Variants in THADA observed in about 807,000 individuals in gnomAD.
THADA encodes tRNA (32-2'-O)-methyltransferase regulator THADA.
A neutral mutation model predicts 219.8 loss-of-function variants in THADA; 213 were observed. The observed-to-expected ratio is 0.97, with a 90% CI of 0.87 to 1.09. The LOEUF (loss-of-function observed/expected upper bound fraction) is 1.09. Among genes scored for constraint, THADA ranks in the 50% least tolerant of loss-of-function variants. The pLI, the probability that THADA is intolerant of heterozygous loss-of-function variation, is 0.00. For missense variants in THADA, 2,956 were observed against 2,311.3 expected (o/e 1.28, Z -5.72); for synonymous variants, 1,018 against 828.9 (o/e 1.23, Z -3.92).
At chr2:43,415,909 T>C (rs538463025) in intron 28 of THADA, among the ~76,000 whole-genome samples, 1 of 152,236 alleles carries the variant, frequency 6.6e-6, no homozygotes, top group South Asian at 2.1e-4. Flanking sequence ...TTTTCTTAAG[T>C]CCAGTTTTCA....
chr2:43,262,979 A>G lies in THADA; in HGVS notation c.5296+16786T>C, dbSNP rs142086761. On this transcript the variant is annotated intron_variant, in intron 36 of 37. Transcript: ENST00000405975. ...GCAATCATCTCCCACTTTCCTCCTT[A>G]CGCCTGTGATGGCTTCCATAGAGAG... 2.5e-3 allele frequency among the ~76,000 whole-genome samples: 380 copies of G among 152,160 alleles called. 1 individual carries two copies. The highest frequency in any genetic ancestry group is 8.8e-3 in the African/African-American group (367 of 41,488).
In THADA at chr2:43,286,978, A is replaced by G. The variant is rs1224614601; in HGVS notation, c.5094T>C (p.Ser1698=). The G allele has an allele frequency of 2.5e-6, 4 of 1,614,032 alleles. No homozygotes were observed. The highest frequency in any genetic ancestry group is 3.4e-6 in the Non-Finnish European group (4 of 1,179,892). ...TGAGGACTTCAACGACGGCCAGCCT[A>G]GACTCTGTAGGAAGATGGTCTTCAC... The part of the protein sequence containing the change: ...LSCEDHLPTE[S]RLAVVEVLTS... The change falls in exon 35 of 38, where the codon TCT becomes TCC. Residue 1698 remains serine, a synonymous_variant. Coordinates refer to ENST00000405975, the MANE Select transcript of THADA (RefSeq NM_022065.5).
intron 25 of THADA, among the ~76,000 whole-genome samples, chr2:43,498,590 T>C (rs1047130550): frequency 1.3e-5 from 2 of 151,808 alleles, no homozygotes; most frequent in African/African-American, 4.8e-5. Context: ...ACATACATAC[T>C]GTAAACCCTA....
chr2:43,363,668 A>T (rs1010543932), intron 29 of THADA, among the ~76,000 whole-genome samples: 2 of 152,220 alleles, frequency 1.3e-5, no homozygotes, highest in African/African-American at 4.8e-5. Flanking sequence ...ATTATGAGGA[A>T]GTGAGCAAGA....
At chr2:43,245,999 C>T (rs1053965844) in intron 36 of THADA, among the ~76,000 whole-genome samples, 1 of 152,014 alleles carries the variant, frequency 6.6e-6, no homozygotes, top group Non-Finnish European at 1.5e-5. Context: ...CGCCCACCTC[C>T]GAGCTTTATC....
chr2:43,549,210 C>A lies in THADA; in HGVS notation c.3106G>T (p.Gly1036Cys). Residue 1036 changes from glycine (G) to cysteine (C), a missense_variant and splice_region_variant, in exon 20 of 38, where the codon GGT becomes TGT. Coordinates refer to ENST00000405975, the MANE Select transcript of THADA (RefSeq NM_022065.5). ...ACAGTATCCATTTTATACAAGTTAC[C>A]TTTGATTTCTGTAGAAGTATCAATA... Reference protein sequence around the residue: ...VNIDTSTEIKGKEVKTCDVTA... With the variant: ...VNIDTSTEIKCKEVKTCDVTA... 2 of 1,562,604 alleles carry A rather than the reference C, an allele frequency of 1.3e-6. No homozygotes were observed. Among genetic ancestry groups the A allele is most frequent in the Admixed American group, 4.1e-5 (2 of 48,660 alleles).
At chr2:43,397,943 A>C (rs1309298073) in intron 29 of THADA, 28 bp downstream of exon 29, 3 of 1,611,852 alleles carry the variant, frequency 1.9e-6, no homozygotes, top group Non-Finnish European at 2.5e-6. Flanking sequence ...GGTGTTTGAC[A>C]GAAGTCACAC....
chr2:43,340,154 G>C (rs761034694), intron 30 of THADA, among the ~76,000 whole-genome samples: 50 of 152,206 alleles, frequency 3.3e-4, no homozygotes, highest in African/African-American at 1.2e-3. Flanking sequence ...ACTGGATCAA[G>C]AAGGGAGGAG....
At chr2:43,495,092 A>G (rs988813492) in intron 25 of THADA, among the ~76,000 whole-genome samples, 3 of 152,206 alleles carry the variant, frequency 2.0e-5, no homozygotes, top group African/African-American at 7.2e-5. Flanking sequence ...CGTATTTCGT[A>G]TGCATTAAGG....
chr2:43,560,484 A>C, intron 15 of THADA, 99 bp from the exon 16 acceptor site: 1 of 848,416 alleles, frequency 1.2e-6, no homozygotes, highest in Non-Finnish European at 1.7e-6. Flanking sequence ...AGTACCAAAA[A>C]ACCACACTTC....
At chr2:43,405,698 A>C (rs933332580) in intron 28 of THADA, among the ~76,000 whole-genome samples, 2 of 152,206 alleles carry the variant, frequency 1.3e-5, no homozygotes, top group African/African-American at 4.8e-5. Flanking sequence ...TTTTTTAAAA[A>C]TCCTTGGTTT....
intron 28 of THADA, among the ~76,000 whole-genome samples, chr2:43,416,537 T>C (rs1278903820): frequency 6.6e-6 from 1 of 152,212 alleles, no homozygotes; most frequent in Non-Finnish European, 1.5e-5. Flanking sequence ...TACAGCCTAC[T>C]GTAGGACTGA....
chr2:43,536,522 T>C (rs985547967), intron 21 of THADA, among the ~76,000 whole-genome samples: 2 of 152,308 alleles, frequency 1.3e-5, no homozygotes, highest in African/African-American at 4.8e-5. Context: ...CACTTGTCTT[T>C]TTAAAATTAG....
intron 31 of THADA, among the ~76,000 whole-genome samples, chr2:43,318,150 C>T (rs1001842443): frequency 1.3e-5 from 2 of 152,072 alleles, no homozygotes; most frequent in Non-Finnish European, 2.9e-5. Context: ...AGTAATCCTC[C>T]TGTCTCAGCC....
chr2:43,416,417 T>C (rs1341576546), intron 28 of THADA, among the ~76,000 whole-genome samples: 3 of 152,236 alleles, frequency 2.0e-5, no homozygotes. Context: ...CAGTAGCCTG[T>C]AGATTTCATA....
chr2:43,430,178 T>C (rs1679051260), intron 27 of THADA, 35 bp downstream of exon 27: 1 of 1,097,050 alleles, frequency 9.1e-7, no homozygotes, highest in Non-Finnish European at 1.3e-6. Context: ...TTCACATCCT[T>C]GAGGTCATTT....
intron 7 of THADA, among the ~76,000 whole-genome samples, chr2:43,585,570 AGAT>A (rs1700932738): frequency 6.7e-6 from 1 of 148,612 alleles, no homozygotes; most frequent in African/African-American, 2.6e-5. Flanking sequence ...ATAGATAGAT[AGAT>A]AGATAGAAAG....
chr2:43,261,039 T>C (rs1480177740), intron 36 of THADA, among the ~76,000 whole-genome samples: 1 of 152,084 alleles, frequency 6.6e-6, no homozygotes, highest in Non-Finnish European at 1.5e-5. Context: ...TGGATGTTAT[T>C]TTACCCGATA....
At chr2:43,318,700 T>C (rs1297604661) in intron 31 of THADA, among the ~76,000 whole-genome samples, 1 of 152,168 alleles carries the variant, frequency 6.6e-6, no homozygotes, top group Non-Finnish European at 1.5e-5. Flanking sequence ...GAGTAATATA[T>C]AGATGCAAGT....
Sources: gnomAD v4.1 joint callset for allele counts (sites outside exome capture counted in the v4.1 genomes callset) on GRCh38, gnomAD v4.1.1 for gene constraint, MANE v1.5 for transcripts, NCBI Gene and HGNC (gene_info 2026-07-23, HGNC 2026-07-21) for gene names.